Variants in PTPRD observed in about 807,000 individuals in gnomAD.
The protein encoded by PTPRD is protein tyrosine phosphatase receptor type D.
PTPRD carries 34 observed loss-of-function variants against 214.5 expected under a neutral mutation model. That is an observed-to-expected ratio of 0.16 (90% CI 0.12 to 0.21). The LOEUF (loss-of-function observed/expected upper bound fraction) is 0.21. PTPRD is among the 10% of genes least tolerant of loss of function. The probability of loss-of-function intolerance (pLI) is 1.00; values close to 1 mark genes in which losing one functional copy is unlikely to be tolerated. For missense variants in PTPRD, 2,545 were observed against 2,398.7 expected (o/e 1.06, Z -1.27); for synonymous variants, 1,128 against 845.7 (o/e 1.33, Z -5.79).
chr9:9,436,457 T>A (rs2085294474), intron 8 of PTPRD, among the ~76,000 whole-genome samples: 1 of 152,308 alleles, frequency 6.6e-6, no homozygotes, highest in East Asian at 1.9e-4. Flanking sequence ...ATTAGATACC[T>A]ACATACTGGC....
chr9:8,754,469 A>G (rs1381457810), intron 11 of PTPRD, among the ~76,000 whole-genome samples: 1 of 152,206 alleles, frequency 6.6e-6, no homozygotes, highest in East Asian at 1.9e-4. Context: ...CTCTCAGATG[A>G]TTTATACACA....
intron 32 of PTPRD, among the ~76,000 whole-genome samples, chr9:8,465,214 C>T (rs1199085036): frequency 1.3e-5 from 2 of 152,018 alleles, no homozygotes; most frequent in African/African-American, 2.4e-5. Context: ...AGAACCATGT[C>T]CTATCGATCT....
intron 35 of PTPRD, among the ~76,000 whole-genome samples, chr9:8,420,504 C>T (rs1012556570): frequency 1.3e-5 from 2 of 152,008 alleles, no homozygotes; most frequent in Admixed American, 6.6e-5. Context: ...TATTCTCCAG[C>T]GAAAATTATA....
At chr9:9,433,537 T>C (rs1465481914) in intron 8 of PTPRD, among the ~76,000 whole-genome samples, 2 of 133,272 alleles carry the variant, frequency 1.5e-5, no homozygotes. Context: ...ACTAATTAAG[T>C]AAAAAGTGGA....
chr9:8,795,966 T>G (rs1288068517), intron 11 of PTPRD, among the ~76,000 whole-genome samples: 2 of 152,152 alleles, frequency 1.3e-5, no homozygotes, highest in Non-Finnish European at 2.9e-5. Flanking sequence ...TGGAGCAAAG[T>G]TCTTTTAACT....
chr9:9,637,798 C>T (rs181345425), intron 7 of PTPRD, among the ~76,000 whole-genome samples: 1 of 152,184 alleles, frequency 6.6e-6, no homozygotes, highest in Non-Finnish European at 1.5e-5. Flanking sequence ...CGGCATTGCC[C>T]TAGTGGGGCA....
chr9:10,161,359 T>C (rs2154289065), intron 3 of PTPRD, among the ~76,000 whole-genome samples: 1 of 151,876 alleles, frequency 6.6e-6, no homozygotes, highest in African/African-American at 2.4e-5. Flanking sequence ...CATACATCAA[T>C]GGAGCAGAAT....
chr9:10,243,748 C>A (rs1410636368), intron 3 of PTPRD, among the ~76,000 whole-genome samples: 1 of 151,966 alleles, frequency 6.6e-6, no homozygotes, highest in East Asian at 1.9e-4. Flanking sequence ...TACTATCTTG[C>A]TCCAACCTCT....
At chr9:10,046,050 A>C (rs1280765922) in intron 3 of PTPRD, among the ~76,000 whole-genome samples, 1 of 151,826 alleles carries the variant, frequency 6.6e-6, no homozygotes, top group Non-Finnish European at 1.5e-5. Context: ...ATGATAAGCT[A>C]CAAAATAATA....
intron 9 of PTPRD, among the ~76,000 whole-genome samples, chr9:9,364,778 G>C (rs1056432211): frequency 9.2e-5 from 14 of 151,482 alleles, no homozygotes; most frequent in Non-Finnish European, 8.9e-5. Context: ...ATGAAGCAGA[G>C]GGTTTTGAGG....
At chr9:8,386,504 T>C (rs1589237010) in intron 37 of PTPRD, among the ~76,000 whole-genome samples, 1 of 152,204 alleles carries the variant, frequency 6.6e-6, no homozygotes, top group South Asian at 2.1e-4. Flanking sequence ...CATTTCAAGC[T>C]TCAGCTCTTG....
intron 32 of PTPRD, among the ~76,000 whole-genome samples, chr9:8,462,478 C>A (rs372630683): frequency 3.3e-5 from 5 of 152,106 alleles, no homozygotes; most frequent in African/African-American, 1.2e-4. Context: ...TCTTGATTCC[C>A]AAATAAAACG....
At chr9:9,283,895 T>C (rs955466655) in intron 9 of PTPRD, among the ~76,000 whole-genome samples, 1 of 151,602 alleles carries the variant, frequency 6.6e-6, no homozygotes, top group African/African-American at 2.4e-5. Flanking sequence ...AAACTAATAA[T>C]CAAGAAATAA....
At position 8,517,800 on chromosome 9, in the gene PTPRD, G is replaced by A. The variant is rs776517627; in HGVS notation, c.1543+48C>T. The A allele has an allele frequency of 4.0e-6, 6 of 1,505,660 alleles. No homozygotes were observed. The Admixed American group carries it at 9.0e-5, about 23-fold the overall frequency. The allele number at this position is 1,505,660 out of a possible 1,614,324, so 93.3% of individuals were successfully genotyped here. On this transcript the variant is annotated intron_variant, in intron 21 of 45. Transcript: ENST00000381196. ...TTGTTTTTGTCCTTCTCACCTCTTTGCACCAGCCCTTCCCTCCTGCCCTAT... is the reference window on the plus strand; with the variant it reads ...TTGTTTTTGTCCTTCTCACCTCTTTACACCAGCCCTTCCCTCCTGCCCTAT...
At chr9:8,898,798 A>G (rs767286326) in intron 11 of PTPRD, among the ~76,000 whole-genome samples, 1 of 152,218 alleles carries the variant, frequency 6.6e-6, no homozygotes, top group Non-Finnish European at 1.5e-5. Context: ...CATATCAGAC[A>G]GAGAAGTCAT....
chr9:9,727,542 C>G (rs138021950), intron 7 of PTPRD, among the ~76,000 whole-genome samples: 2 of 152,246 alleles, frequency 1.3e-5, no homozygotes, highest in Admixed American at 1.3e-4. Flanking sequence ...GATAGTTTAA[C>G]TTCCCACTAA....
intron 7 of PTPRD, among the ~76,000 whole-genome samples, chr9:9,685,297 A>G (rs2154400081): frequency 6.6e-6 from 1 of 150,850 alleles, no homozygotes; most frequent in East Asian, 1.9e-4. Context: ...TAGTTTATAG[A>G]TTTTACGTAA....
chr9:9,797,288 G>T (rs1052413888), intron 5 of PTPRD, among the ~76,000 whole-genome samples: 1 of 125,426 alleles, frequency 8.0e-6, no homozygotes, highest in African/African-American at 3.1e-5. Flanking sequence ...TAGTTGTTTG[G>T]GTTTTTTTGC....
intron 11 of PTPRD, among the ~76,000 whole-genome samples, chr9:8,803,967 C>T (rs559382952): frequency 1.3e-5 from 2 of 151,816 alleles, no homozygotes; most frequent in East Asian, 3.9e-4. Flanking sequence ...CCTCCACCCC[C>T]CCACAGACGG....
Sources: gnomAD v4.1 joint callset for allele counts (sites outside exome capture counted in the v4.1 genomes callset) on GRCh38, gnomAD v4.1.1 for gene constraint, MANE v1.5 for transcripts, NCBI Gene and HGNC (gene_info 2026-07-23, HGNC 2026-07-21) for gene names.